AUTS2: variants seen among roughly 807,000 people sequenced by gnomAD.
AUTS2 encodes the protein activator of transcription and developmental regulator AUTS2.
Under a neutral mutation model 112.4 loss-of-function variants are expected in AUTS2, and 17 were observed. That is an observed-to-expected ratio of 0.15 (90% CI 0.10 to 0.23). The LOEUF (loss-of-function observed/expected upper bound fraction) is 0.23. Ranked by LOEUF, AUTS2 falls within the 10% of genes least tolerant of loss-of-function variation. The pLI is 1.00. For synonymous variants in AUTS2, 751 were observed against 702.7 expected (o/e 1.07, Z -1.09); for missense variants, 1,510 against 1,701.6 (o/e 0.89, Z 1.98).
At chr7:70,047,516 C>G (rs1801561962) in intron 2 of AUTS2, among the ~76,000 whole-genome samples, 1 of 152,156 alleles carries the variant, frequency 6.6e-6, no homozygotes, top group South Asian at 2.1e-4. Flanking sequence ...TATTAAAAAG[C>G]TGAAGCAAAG....
At chr7:70,621,953 T>G (rs1804699045) in intron 5 of AUTS2, among the ~76,000 whole-genome samples, 2 of 144,412 alleles carry the variant, frequency 1.4e-5, no homozygotes, top group African/African-American at 5.2e-5. Flanking sequence ...TTTAAGCAGT[T>G]CTCCTGCCTC....
intron 4 of AUTS2, among the ~76,000 whole-genome samples, chr7:70,157,762 T>C (rs546108533): frequency 6.6e-6 from 1 of 152,262 alleles, no homozygotes; most frequent in South Asian, 2.1e-4. Flanking sequence ...AAGGGTTTTA[T>C]AGTTGCTGTC....
chr7:69,680,860 G>T (rs1238063966), intron 1 of AUTS2, among the ~76,000 whole-genome samples: 1 of 152,098 alleles, frequency 6.6e-6, no homozygotes, highest in Non-Finnish European at 1.5e-5. Context: ...AGTAGAGACA[G>T]GGTTTCACCA....
intron 5 of AUTS2, among the ~76,000 whole-genome samples, chr7:70,674,148 G>A (rs1453473575): frequency 6.6e-6 from 1 of 152,188 alleles, no homozygotes; most frequent in Non-Finnish European, 1.5e-5. Flanking sequence ...CTGCTCCGTG[G>A]ATGTGCTGTG....
chr7:69,782,402 C>T (rs1379675358), intron 1 of AUTS2, among the ~76,000 whole-genome samples: 7 of 149,194 alleles, frequency 4.7e-5, no homozygotes, highest in African/African-American at 1.7e-4. Context: ...AAAGAACCTT[C>T]ATTACATTAA....
chr7:69,684,687 A>C (rs1209281921), intron 1 of AUTS2, among the ~76,000 whole-genome samples: 1 of 152,168 alleles, frequency 6.6e-6, no homozygotes, highest in African/African-American at 2.4e-5. Flanking sequence ...GGGAAGAGTA[A>C]ATATTTAATG....
At chr7:69,950,197 T>C (rs1211731415) in intron 2 of AUTS2, among the ~76,000 whole-genome samples, 1 of 152,178 alleles carries the variant, frequency 6.6e-6, no homozygotes, top group African/African-American at 2.4e-5. Flanking sequence ...TCTATACCTA[T>C]ATAAATTTTA....
intron 4 of AUTS2, among the ~76,000 whole-genome samples, chr7:70,168,794 G>C (rs1808517257): frequency 6.6e-6 from 1 of 152,112 alleles, no homozygotes. Context: ...AGAATATAAA[G>C]TTCTCTGTGT....
chr7:69,752,654 G>A (rs1005009695), intron 1 of AUTS2, among the ~76,000 whole-genome samples: 2 of 152,180 alleles, frequency 1.3e-5, no homozygotes, highest in Non-Finnish European at 2.9e-5. Flanking sequence ...CGGTTGACTC[G>A]TGGGTGAATT....
chr7:70,083,185 C>T (rs1584693324), intron 2 of AUTS2, among the ~76,000 whole-genome samples: 1 of 152,090 alleles, frequency 6.6e-6, no homozygotes, highest in Admixed American at 6.6e-5. Context: ...GCTAAGACTT[C>T]CAGGTTGTCA....
intron 5 of AUTS2, among the ~76,000 whole-genome samples, chr7:70,607,677 A>G (rs1276566611): frequency 6.6e-6 from 1 of 152,208 alleles, no homozygotes; most frequent in African/African-American, 2.4e-5. Context: ...TGAGATGCAG[A>G]TGAATTTGGC....
At chr7:69,680,108 G>T (rs543749846) in intron 1 of AUTS2, among the ~76,000 whole-genome samples, 26 of 152,292 alleles carry the variant, frequency 1.7e-4, no homozygotes, top group Middle Eastern at 3.4e-3. Context: ...AATGGCACGT[G>T]TATGTTATTC....
intron 2 of AUTS2, among the ~76,000 whole-genome samples, chr7:70,082,426 T>G (rs1442273037): frequency 6.6e-6 from 1 of 152,218 alleles, no homozygotes; most frequent in Non-Finnish European, 1.5e-5. Flanking sequence ...GAGGTTTTAC[T>G]TGTGCATATG....
chr7:70,616,755 T>TTTTTG (rs1483367643), intron 5 of AUTS2, among the ~76,000 whole-genome samples: 5 of 133,574 alleles, frequency 3.7e-5, no homozygotes, highest in Non-Finnish European at 6.0e-5. Flanking sequence ...GTCGAATAGT[T>TTTTTG]TTTTTTTTTT....
At chr7:69,924,624 T>A (rs1795935490) in intron 2 of AUTS2, among the ~76,000 whole-genome samples, 2 of 151,962 alleles carry the variant, frequency 1.3e-5, no homozygotes, top group Non-Finnish European at 1.5e-5. Context: ...CAAACTCAGC[T>A]CACTGCAACC....
At position 69,702,672 on chromosome 7, in the gene AUTS2, C is replaced by T. The variant is rs1285406929; in HGVS notation, c.309+102710C>T. On this transcript the variant is annotated intron_variant, in intron 1 of 18. Transcript: ENST00000342771. Reference sequence around the variant, plus strand: ...TGTGGATCAGCAACATCAGCACCACCTGGGATCTTGTTAGAAATGCAGATT... The same window carrying T: ...TGTGGATCAGCAACATCAGCACCACTTGGGATCTTGTTAGAAATGCAGATT... Among the ~76,000 whole-genome samples the T allele has an allele frequency of 7.2e-5, 11 of 151,762 alleles. No individual in the cohort carries two copies. In the East Asian group the frequency reaches 1.2e-3, roughly 16 times the overall value.
At chr7:70,667,934 G>C (rs1011258422) in intron 5 of AUTS2, among the ~76,000 whole-genome samples, 1 of 152,168 alleles carries the variant, frequency 6.6e-6, no homozygotes, top group Non-Finnish European at 1.5e-5. Flanking sequence ...CATGCATCAC[G>C]ATCACTGGGG....
At chr7:70,191,796 C>G (rs954855384) in intron 4 of AUTS2, among the ~76,000 whole-genome samples, 5 of 151,860 alleles carry the variant, frequency 3.3e-5, no homozygotes, top group Admixed American at 6.6e-5. Context: ...CCCGGTGGCT[C>G]ACAACTGTAA....
chr7:69,886,449 C>T (rs1176015707), intron 1 of AUTS2, among the ~76,000 whole-genome samples: 1 of 151,832 alleles, frequency 6.6e-6, no homozygotes, highest in Non-Finnish European at 1.5e-5. Flanking sequence ...ACACACACTT[C>T]CTGATATGCT....
Sources: allele counts gnomAD v4.1 joint callset (sites outside exome capture counted in the v4.1 genomes callset), GRCh38; gene constraint gnomAD v4.1.1; transcripts MANE v1.5; gene names NCBI Gene and HGNC (gene_info 2026-07-23, HGNC 2026-07-21).